RARB: variants seen among roughly 807,000 people sequenced by gnomAD.
RARB encodes the protein retinoic acid receptor beta.
A neutral mutation model predicts 51.9 loss-of-function variants in RARB; 17 were observed. The ratio of observed to expected loss-of-function variants is 0.33; its 90% CI spans 0.22 to 0.49. The LOEUF (loss-of-function observed/expected upper bound fraction) is 0.49. Among genes scored for constraint, RARB ranks in the 20% least tolerant of loss-of-function variants. RARB has a pLI of 0.99. For synonymous variants in RARB, 215 were observed against 195.4 expected (o/e 1.10, Z -0.84); for missense variants, 369 against 550.8 (o/e 0.67, Z 3.30).
At chr3:25,347,216 C>T (rs746765865) in intron 5 of RARB, among the ~76,000 whole-genome samples, 1 of 152,176 alleles carries the variant, frequency 6.6e-6, no homozygotes, top group Non-Finnish European at 1.5e-5. Context: ...TGGCTTCATG[C>T]TGGTTGGATC....
rs181344540 is a variant in RARB, at chr3:24,946,628, G to A, written c.-380+87876G>A. On this transcript the variant is annotated intron_variant, in intron 2 of 11. Coordinates refer to the RARB transcript ENST00000383772. ...TCACATAGGTAATCCTGGCACTTTG[G>A]GAGGCTGAGGCAGGAGGATTACTTG... 5.3e-4 allele frequency among the ~76,000 whole-genome samples: 80 copies of A among 152,178 alleles called. 1 individual carries two copies. The highest frequency in any genetic ancestry group is 2.7e-3 in the Admixed American group (41 of 15,288).
At chr3:25,385,798 A>G (rs756466986) in intron 5 of RARB, among the ~76,000 whole-genome samples, 2 of 152,002 alleles carry the variant, frequency 1.3e-5, no homozygotes, top group African/African-American at 2.4e-5. Context: ...TCTGAGTGGG[A>G]TTCTCTATCT....
chr3:25,188,075 T>G (rs1201887164), intron 5 of RARB, among the ~76,000 whole-genome samples: 1 of 152,114 alleles, frequency 6.6e-6, no homozygotes, highest in Admixed American at 6.6e-5. Flanking sequence ...GAATTAAATA[T>G]TAAGTATCAA....
chr3:24,877,740 T>A (rs1489833338), intron 2 of RARB, among the ~76,000 whole-genome samples: 1 of 152,132 alleles, frequency 6.6e-6, no homozygotes, highest in African/African-American at 2.4e-5. Context: ...GCCTCTTTTA[T>A]GCAGAGGGAA....
chr3:25,137,529 G>C (rs1700049057), intron 4 of RARB, among the ~76,000 whole-genome samples: 1 of 151,986 alleles, frequency 6.6e-6, no homozygotes, highest in Non-Finnish European at 1.5e-5. Context: ...AAAAGCAAAG[G>C]AGTTTTGATT....
intron 3 of RARB, among the ~76,000 whole-genome samples, chr3:25,091,521 G>C (rs1485963276): frequency 6.6e-6 from 1 of 152,096 alleles, no homozygotes; most frequent in Non-Finnish European, 1.5e-5. Flanking sequence ...TCCACCATCT[G>C]TTTCACATGG....
chr3:24,968,189 T>C (rs931365608), intron 2 of RARB, among the ~76,000 whole-genome samples: 1 of 152,182 alleles, frequency 6.6e-6, no homozygotes, highest in Admixed American at 6.5e-5. Context: ...AAGCATGTGC[T>C]ACATAAATAT....
intron 5 of RARB, among the ~76,000 whole-genome samples, chr3:25,281,229 G>A (rs1242997643): frequency 6.6e-6 from 1 of 152,106 alleles, no homozygotes; most frequent in Non-Finnish European, 1.5e-5. Flanking sequence ...GAGCCAGTGG[G>A]GACATTTCAC....
intron 4 of RARB, among the ~76,000 whole-genome samples, chr3:25,142,580 C>A (rs1159923360): frequency 7.3e-6 from 1 of 136,082 alleles, no homozygotes; most frequent in Non-Finnish European, 1.5e-5. Context: ...CAGGAAATCA[C>A]TGCCTGTATT....
intron 2 of RARB, among the ~76,000 whole-genome samples, chr3:24,934,510 C>T (rs1410263432): frequency 6.6e-6 from 1 of 152,002 alleles, no homozygotes; most frequent in Non-Finnish European, 1.5e-5. Flanking sequence ...TGGTCTTGTT[C>T]TATAAATTAT....
At chr3:24,850,107 T>C (rs1489610410) in intron 1 of RARB, among the ~76,000 whole-genome samples, 1 of 152,184 alleles carries the variant, frequency 6.6e-6, no homozygotes, top group East Asian at 1.9e-4. Flanking sequence ...AGAGAGTGGA[T>C]CCACTCCTGC....
chr3:24,961,722 G>C (rs994137173), intron 2 of RARB, among the ~76,000 whole-genome samples: 1 of 152,084 alleles, frequency 6.6e-6, no homozygotes, highest in East Asian at 1.9e-4. Context: ...AGGAAACTGA[G>C]GCTCCAAAAC....
rs182671229 is a variant in RARB at position 24,922,398 on chromosome 3, A to G, written c.-380+63646A>G. 4.0e-3 allele frequency among the ~76,000 whole-genome samples: 612 copies of G among 152,344 alleles called. 4 individuals carry two copies. The highest frequency in any genetic ancestry group is 6.2e-3 in the Non-Finnish European group (419 of 68,032). On this transcript the variant is annotated intron_variant, in intron 2 of 11. Coordinates refer to the RARB transcript ENST00000383772. ...GAATAATGAAAGCTAATGTGTATCA[A>G]GCACTTAGATTTTTCCAGGAATTGT...
chr3:25,528,469 T>C (rs1215662913), intron 3 of RARB, among the ~76,000 whole-genome samples: 1 of 152,042 alleles, frequency 6.6e-6, no homozygotes, highest in Admixed American at 6.6e-5. Context: ...AGCCATCCTC[T>C]GATTGTTGAA....
At chr3:25,382,428 A>G (rs941412716) in intron 5 of RARB, among the ~76,000 whole-genome samples, 3 of 152,148 alleles carry the variant, frequency 2.0e-5, no homozygotes, top group African/African-American at 7.2e-5. Flanking sequence ...CTGCAGGGAC[A>G]TGGACTGGGT....
At chr3:25,268,969 C>G (rs1224933834) in intron 5 of RARB, among the ~76,000 whole-genome samples, 1 of 152,092 alleles carries the variant, frequency 6.6e-6, no homozygotes, top group Non-Finnish European at 1.5e-5. Context: ...TAGTATCTAG[C>G]ACATGATATG....
At chr3:25,063,508 T>C (rs188528747) in intron 3 of RARB, among the ~76,000 whole-genome samples, 71 of 151,862 alleles carry the variant, frequency 4.7e-4, no homozygotes, top group Non-Finnish European at 9.0e-4. Flanking sequence ...AATTTGTCGA[T>C]TTTTAAATGC....
intron 2 of RARB, among the ~76,000 whole-genome samples, chr3:24,997,862 T>C (rs948291326): frequency 1.3e-5 from 2 of 152,170 alleles, no homozygotes; most frequent in Admixed American, 1.3e-4. Flanking sequence ...TATATCCAAC[T>C]TCTTGATTGA....
chr3:25,106,451 G>T (rs13326956), intron 3 of RARB, among the ~76,000 whole-genome samples: 35,881 of 69,902 alleles, frequency 0.51, 8,545 homozygotes, highest in Admixed American at 0.59. Context: ...ACTGTTTTTT[G>T]TTTTTTGTTT....
Sources: allele counts gnomAD v4.1 joint callset (sites outside exome capture counted in the v4.1 genomes callset), GRCh38; gene constraint gnomAD v4.1.1; transcripts MANE v1.5; gene names NCBI Gene and HGNC (gene_info 2026-07-23, HGNC 2026-07-21).